Variants in UCK2 observed in about 807,000 individuals in gnomAD.
The protein encoded by UCK2 is cytidine monophosphokinase 2.
UCK2 carries 6 observed loss-of-function variants against 30.8 expected under a neutral mutation model. The observed-to-expected ratio is 0.19, with a 90% CI of 0.11 to 0.38. The LOEUF (loss-of-function observed/expected upper bound fraction) is 0.38, where lower values mean the gene tolerates loss of function less well. Among genes scored for constraint, UCK2 ranks in the 10% least tolerant of loss-of-function variants. The probability of loss-of-function intolerance (pLI) is 1.00; values close to 1 mark genes in which losing one functional copy is unlikely to be tolerated. For missense variants in UCK2, 210 were observed against 339.8 expected (o/e 0.62, Z 3.00); for synonymous variants, 125 against 133.6 (o/e 0.94, Z 0.45).
At chr1:165,858,698 G>C (rs1188856011) in intron 1 of UCK2, among the ~76,000 whole-genome samples, 2 of 152,122 alleles carry the variant, frequency 1.3e-5, no homozygotes, top group Non-Finnish European at 2.9e-5. Flanking sequence ...AGGAGGGAGA[G>C]TTGCAGCAAC....
At chr1:165,864,459 C>T (rs994717370) in intron 1 of UCK2, among the ~76,000 whole-genome samples, 2 of 152,064 alleles carry the variant, frequency 1.3e-5, no homozygotes, top group South Asian at 2.1e-4. Flanking sequence ...GATTTCACCT[C>T]ATTATGCTTC....
At chr1:165,847,717 G>T (rs959601191) in intron 1 of UCK2, among the ~76,000 whole-genome samples, 3 of 151,878 alleles carry the variant, frequency 2.0e-5, no homozygotes, top group African/African-American at 7.3e-5. Context: ...GACCTCAAGC[G>T]ATCCTCCTGC....
At chr1:165,891,696 T>A (rs1334531132) in intron 3 of UCK2, 1 of 193,616 alleles carries the variant, frequency 5.2e-6, no homozygotes, top group Non-Finnish European at 1.1e-5. Flanking sequence ...AAGAAAACTG[T>A]TTTTTCTGCT....
At chr1:165,856,130 A>G (rs761447250) in intron 1 of UCK2, among the ~76,000 whole-genome samples, 26 of 152,190 alleles carry the variant, frequency 1.7e-4, no homozygotes, top group Non-Finnish European at 2.5e-4. Flanking sequence ...TATATATAAA[A>G]AACATTTATT....
chr1:165,905,795 C>A, intron 5 of UCK2, 126 bp from the exon 6 acceptor site: 1 of 681,688 alleles, frequency 1.5e-6, no homozygotes, highest in Non-Finnish European at 2.5e-6. Context: ...ATATTTGAAG[C>A]CTTAAAAGGT....
At chr1:165,891,431 C>A in intron 3 of UCK2, 109 bp downstream of exon 3, 1 of 961,868 alleles carries the variant, frequency 1.0e-6, no homozygotes, top group Non-Finnish European at 1.6e-6. Flanking sequence ...CTCTGTCCTA[C>A]CCCTGCCTAA....
At chr1:165,861,424 C>A (rs1442042950) in intron 1 of UCK2, among the ~76,000 whole-genome samples, 2 of 151,602 alleles carry the variant, frequency 1.3e-5, no homozygotes, top group African/African-American at 4.8e-5. Context: ...GTCCGGACAT[C>A]GAGACCATCC....
intron 3 of UCK2, among the ~76,000 whole-genome samples, chr1:165,893,184 C>T (rs1248274816): frequency 6.6e-6 from 1 of 152,098 alleles, no homozygotes; most frequent in Admixed American, 6.5e-5. Context: ...GGAGCCAGGG[C>T]CTGACCAGTG....
At chr1:165,871,572 G>A (rs1017556046) in intron 1 of UCK2, among the ~76,000 whole-genome samples, 1 of 152,118 alleles carries the variant, frequency 6.6e-6, no homozygotes, top group African/African-American at 2.4e-5. Flanking sequence ...TGTCAGCCTG[G>A]CCTGCCTTTT....
chr1:165,849,935 G>A (rs1654545801), intron 1 of UCK2, among the ~76,000 whole-genome samples: 1 of 152,062 alleles, frequency 6.6e-6, no homozygotes, highest in Non-Finnish European at 1.5e-5. Flanking sequence ...TGTAAATTAG[G>A]TGTAGTTAAT....
rs922546401 is a variant in UCK2, at chr1:165,886,128, A to G, written c.100-4076A>G. 2.6e-5 allele frequency among the ~76,000 whole-genome samples: 4 copies of G among 152,188 alleles called. No individual in the cohort carries two copies. In the East Asian group the frequency reaches 7.7e-4, roughly 29 times the overall value. On this transcript the variant is annotated intron_variant, in intron 1 of 6. Coordinates refer to ENST00000367879, the MANE Select transcript of UCK2 (RefSeq NM_012474.5). Reference sequence around the variant, plus strand: ...TTGCATAGTGCATTTCACTTTGCATAGTGAAATCCTATGGTATTTGTCTTT... The same window carrying G: ...TTGCATAGTGCATTTCACTTTGCATGGTGAAATCCTATGGTATTTGTCTTT...
At chr1:165,899,884 A>G (rs140831345) in intron 4 of UCK2, among the ~76,000 whole-genome samples, 9 of 152,196 alleles carry the variant, frequency 5.9e-5, no homozygotes, top group African/African-American at 1.9e-4. Flanking sequence ...TGATAGTTCT[A>G]TCGGAGGTTC....
intron 4 of UCK2, among the ~76,000 whole-genome samples, chr1:165,900,899 G>GT (rs1647437626): frequency 6.6e-6 from 1 of 152,206 alleles, no homozygotes; most frequent in Non-Finnish European, 1.5e-5. Context: ...GGGTGTGTTT[G>GT]TTTTTTCCCT....
intron 1 of UCK2, among the ~76,000 whole-genome samples, chr1:165,879,681 TTTCTC>T (rs1655433650): frequency 6.6e-6 from 1 of 151,996 alleles, no homozygotes; most frequent in Non-Finnish European, 1.5e-5. Context: ...TCTTTTCTCT[TTTCTC>T]TTTTTTGATT....
intron 3 of UCK2, chr1:165,892,547 T>C (rs369365648): frequency 2.0e-5 from 3 of 152,246 alleles, no homozygotes; most frequent in African/African-American, 7.2e-5. Context: ...TTTGCTTCAC[T>C]CTCACCTTCG....
At chr1:165,871,175 G>A (rs1289599788) in intron 1 of UCK2, among the ~76,000 whole-genome samples, 1 of 151,978 alleles carries the variant, frequency 6.6e-6, no homozygotes, top group Non-Finnish European at 1.5e-5. Context: ...TTGTGTGTGC[G>A]TGTGCGTTTG....
chr1:165,881,359 T>G (rs7539819), intron 1 of UCK2, among the ~76,000 whole-genome samples: 59,788 of 151,888 alleles, frequency 0.39, 12,044 homozygotes, highest in Non-Finnish European at 0.46. Flanking sequence ...CAGGGTTTTT[T>G]TTTGTTTGTT....
chr1:165,901,431 G>C (rs1663837), intron 4 of UCK2, among the ~76,000 whole-genome samples: 2 of 152,194 alleles, frequency 1.3e-5, no homozygotes, highest in Non-Finnish European at 2.9e-5. Context: ...CCGTTCCCTG[G>C]CCTCTCTGTG....
rs386368582 is a variant in UCK2, at chr1:165,902,592, A to ATTTTTTTTTTTTTTTTTTTT, written c.500-582_500-563dup. ...TGGTTTTCTTATCTTTCACTGAGTG[A>ATTTTTTTTTTTTTTTTTTTT]TTTTTTTTTTTTTTTTTTTTTTTTT... On this transcript the variant is annotated intron_variant, in intron 4 of 6. Transcript: ENST00000367879. 16 of 45,756 alleles carry ATTTTTTTTTTTTTTTTTTTT rather than the reference A, an allele frequency of 3.5e-4. 4 individuals carry two copies. Among genetic ancestry groups the ATTTTTTTTTTTTTTTTTTTT allele is most frequent in the Non-Finnish European group, 5.7e-4 (15 of 26,110 alleles). The allele number at this position is 45,756 out of a possible 1,614,324, so 2.8% of individuals were successfully genotyped here.
Sources: allele counts gnomAD v4.1 joint callset (sites outside exome capture counted in the v4.1 genomes callset), GRCh38; gene constraint gnomAD v4.1.1; transcripts MANE v1.5; gene names NCBI Gene and HGNC (gene_info 2026-07-23, HGNC 2026-07-21).